Variants in AKAP10 observed in about 807,000 individuals in gnomAD.
AKAP10 encodes A-kinase anchor protein 10, mitochondrial.
In AKAP10, 24 loss-of-function variants were observed where a neutral mutation model predicts 80.8. The ratio of observed to expected loss-of-function variants is 0.30; its 90% CI spans 0.22 to 0.42. AKAP10 has a LOEUF of 0.42. Among genes scored for constraint, AKAP10 ranks in the 10% least tolerant of loss-of-function variants. The pLI, the probability that AKAP10 is intolerant of heterozygous loss-of-function variation, is 1.00. For missense variants in AKAP10, 661 were observed against 794.9 expected, an observed-to-expected ratio of 0.83 and a Z score of 2.03; for synonymous variants, 291 against 277.7, an observed-to-expected ratio of 1.05 and a Z score of -0.48.
At chr17:19,925,371 A>G (rs1213992129) in intron 10 of AKAP10, among the ~76,000 whole-genome samples, 1 of 152,182 alleles carries the variant, frequency 6.6e-6, no homozygotes, top group Non-Finnish European at 1.5e-5. Flanking sequence ...TGGTGAGGCC[A>G]TATGACAAAA....
chr17:19,939,970 C>T lies in AKAP10; in HGVS notation c.1186-121G>A. The T allele has an allele frequency of 1.2e-5, 13 of 1,046,452 alleles. 1 individual carries two copies. Among genetic ancestry groups the T allele is most frequent in the Non-Finnish European group, 1.7e-5 (13 of 752,888 alleles). The allele number at this position is 1,046,452 out of a possible 1,614,324, so 64.8% of individuals were successfully genotyped here. A position where few individuals can be genotyped will look rare whatever the true frequency, so the allele number is the denominator to read the frequency against. ...AAGCAAAAAACAAAAAGATCTACTT[C>T]TTCTGTTAACACCTGTCAGCAAGTT... On this transcript the variant is annotated intron_variant, in intron 7 of 14. Transcript: ENST00000225737.
At chr17:19,963,070 C>T in intron 2 of AKAP10, 48 bp from the exon 3 acceptor site, 1 of 1,472,500 alleles carries the variant, frequency 6.8e-7, no homozygotes, top group Non-Finnish European at 9.2e-7. Flanking sequence ...ATTTGATAGC[C>T]TAAAACTCTC....
rs139003893 is a variant in AKAP10 at position 19,931,812 on chromosome 17, G to A, written c.1634C>T (p.Ala545Val). 25 of 1,612,792 alleles carry A rather than the reference G, an allele frequency of 1.6e-5. No individual in the cohort carries two copies. The highest frequency in any genetic ancestry group is 5.3e-5 in the African/African-American group (4 of 74,830). Residue 545 changes from alanine (A) to valine (V), a missense_variant, in exon 10 of 15, where the codon GCG (alanine) becomes GTG (valine). Coordinates refer to ENST00000225737, the MANE Select transcript of AKAP10 (RefSeq NM_007202.4). ...GACGCAATCAGTCAATACCTGAGACGCAGAGCTGTCAGAACTCCCTGGGTG... is the reference window on the plus strand; with the variant it reads ...GACGCAATCAGTCAATACCTGAGACACAGAGCTGTCAGAACTCCCTGGGTG... ...ESHPGSSDSS[A>V]SQSSVKKASI...
intron 1 of AKAP10, among the ~76,000 whole-genome samples, chr17:19,971,662 C>T (rs1021596803): frequency 2.6e-5 from 4 of 152,146 alleles, no homozygotes; most frequent in African/African-American, 9.7e-5. Context: ...TATAAATATA[C>T]CTTTACTCAT....
intron 4 of AKAP10, among the ~76,000 whole-genome samples, chr17:19,952,774 A>T (rs972689600): frequency 7.9e-5 from 12 of 152,148 alleles, no homozygotes; most frequent in Non-Finnish European, 1.6e-4. Flanking sequence ...GCCTCAAAAT[A>T]CATGAAGCAA....
chr17:19,949,752 A>AAG (rs1488803303), intron 4 of AKAP10, among the ~76,000 whole-genome samples: 1 of 150,222 alleles, frequency 6.7e-6, no homozygotes. Context: ...TGGTAACAGA[A>AAG]AGAGAGACTC....
chr17:19,967,291 C>T (rs919935806), intron 2 of AKAP10, among the ~76,000 whole-genome samples: 1 of 152,074 alleles, frequency 6.6e-6, no homozygotes, highest in African/African-American at 2.4e-5. Flanking sequence ...GACAATGTAT[C>T]GATCCCAACA....
At chr17:19,914,323 T>A (rs1489947047) in intron 12 of AKAP10, among the ~76,000 whole-genome samples, 1 of 152,094 alleles carries the variant, frequency 6.6e-6, no homozygotes, top group East Asian at 1.9e-4. Context: ...TAAACAAGTA[T>A]GTAAATAAAT....
In AKAP10 at chr17:19,935,614, A is replaced by AT. The variant is rs200426239; in HGVS notation, c.1467+671dup. 2.8e-3 allele frequency among the ~76,000 whole-genome samples: 415 copies of AT among 150,546 alleles called. 15 individuals are homozygous for AT. In the East Asian group the frequency reaches 0.075, roughly 27 times the overall value. ...TTTTATAAGCTTTTTTCTATTTTTA[A>AT]TTTTTTTTTTCTTTTTAAATTTGTT... On this transcript the variant is annotated intron_variant, in intron 9 of 14. Transcript: ENST00000225737.
chr17:19,965,007 G>A lies in AKAP10; in HGVS notation c.137-1985C>T, dbSNP rs553024037. Among the ~76,000 whole-genome samples the A allele has an allele frequency of 2.6e-5, 4 of 152,366 alleles. No homozygotes were observed. In the South Asian group the frequency reaches 6.2e-4, roughly 24 times the overall value. Reference sequence around the variant, plus strand: ...ACAGCTCCTAGGGTACACCTCTGTGGAGCAGATGAAAAAGCCCTGATCTGT... The same window carrying A: ...ACAGCTCCTAGGGTACACCTCTGTGAAGCAGATGAAAAAGCCCTGATCTGT... On this transcript the variant is annotated intron_variant, in intron 2 of 14. Coordinates refer to ENST00000225737, the MANE Select transcript of AKAP10 (RefSeq NM_007202.4).
At chr17:19,923,137 G>A (rs1177470078) in intron 11 of AKAP10, among the ~76,000 whole-genome samples, 1 of 152,044 alleles carries the variant, frequency 6.6e-6, no homozygotes, top group Non-Finnish European at 1.5e-5. Flanking sequence ...CAGTGCAATG[G>A]TGTGATCTTG....
intron 10 of AKAP10, among the ~76,000 whole-genome samples, chr17:19,925,850 AC>A (rs1421991959): frequency 6.6e-6 from 1 of 152,198 alleles, no homozygotes; most frequent in African/African-American, 2.4e-5. Flanking sequence ...TTACTCAGAT[AC>A]CAAAATCTCA....
In AKAP10 at chr17:19,908,309, T is replaced by C. The variant is rs143464758; in HGVS notation, c.1983+872A>G. ...TGCTTTGAAACTTGGTTCAGGTGCT[T>C]GTACTCTAGGACTAATTTATCTTCA... On this transcript the variant is annotated intron_variant, in intron 14 of 14. Transcript: ENST00000225737. Among the ~76,000 whole-genome samples the C allele has an allele frequency of 6.8e-3, 1,037 of 152,326 alleles. 14 individuals carry two copies. The highest frequency in any genetic ancestry group is 0.024 in the African/African-American group (985 of 41,572).
At chr17:19,946,260 T>TA (rs1211373965) in intron 5 of AKAP10, among the ~76,000 whole-genome samples, 1 of 27,814 alleles carries the variant, frequency 3.6e-5, no homozygotes, top group Non-Finnish European at 6.3e-5. Flanking sequence ...TATATATATA[T>TA]ATATATATAT....
intron 12 of AKAP10, among the ~76,000 whole-genome samples, chr17:19,914,240 A>G (rs989112525): frequency 6.6e-6 from 1 of 152,158 alleles, no homozygotes; most frequent in African/African-American, 2.4e-5. Context: ...GGCTCAACCA[A>G]TTCTCCAACC....
At chr17:19,960,796 C>CAA (rs2152418085) in intron 3 of AKAP10, among the ~76,000 whole-genome samples, 2 of 151,716 alleles carry the variant, frequency 1.3e-5, no homozygotes, top group East Asian at 2.0e-4. Flanking sequence ...GAGGCCGAGG[C>CAA]GGGCTGATCA....
chr17:19,920,047 C>T lies in AKAP10; in HGVS notation c.1823G>A (p.Arg608Lys). Reference sequence around the variant, plus strand: ...AAAACACCACAAACCTTTTGATTTCCTTACATCAGGTTCAGGCTCAGATTC... The same window carrying T: ...AAAACACCACAAACCTTTTGATTTCTTTACATCAGGTTCAGGCTCAGATTC... The part of the protein sequence containing the change: ...IRESEPEPDV[R>K]KSKGSMFSQA... Residue 608 changes from arginine (R) to lysine (K), a missense_variant, in exon 12 of 15, where the codon AGG becomes AAG. Coordinates refer to ENST00000225737, the MANE Select transcript of AKAP10 (RefSeq NM_007202.4). 19 of 1,612,446 alleles carry T rather than the reference C, an allele frequency of 1.2e-5. No individual in the cohort carries two copies. The highest frequency in any genetic ancestry group is 1.5e-5 in the Non-Finnish European group (18 of 1,178,764).
chr17:19,915,637 CAATTA>C (rs1004248177), intron 12 of AKAP10, among the ~76,000 whole-genome samples: 1 of 152,184 alleles, frequency 6.6e-6, no homozygotes, highest in Admixed American at 6.5e-5. Context: ...GGGCATGTCT[CAATTA>C]AATTAATAAT....
intron 14 of AKAP10, among the ~76,000 whole-genome samples, chr17:19,908,229 GGT>G (rs2152408991): frequency 6.6e-6 from 1 of 152,266 alleles, no homozygotes; most frequent in South Asian, 2.1e-4. Context: ...CTGTAAAGAG[GGT>G]TAGGCCTTTG....
Sources: allele counts gnomAD v4.1 joint callset (sites outside exome capture counted in the v4.1 genomes callset), GRCh38; gene constraint gnomAD v4.1.1; transcripts MANE v1.5; gene names NCBI Gene and HGNC (gene_info 2026-07-23, HGNC 2026-07-21).